Variants in GRID2 observed in about 807,000 individuals in gnomAD.
GRID2 encodes the protein glutamate ionotropic receptor delta type subunit 2.
Under a neutral mutation model 114.8 loss-of-function variants are expected in GRID2, and 33 were observed. That is an observed-to-expected ratio of 0.29 (90% confidence interval 0.22 to 0.38). GRID2 has a LOEUF of 0.38. Ranked by LOEUF, GRID2 falls within the 10% of genes least tolerant of loss-of-function variation. The pLI is 1.00. For missense variants in GRID2, 1,184 were observed against 1,257.7 expected (o/e 0.94, Z 0.89); for synonymous variants, 505 against 449.9 (o/e 1.12, Z -1.55).
intron 4 of GRID2, among the ~76,000 whole-genome samples, chr4:93,124,075 G>A (rs2149365761): frequency 6.8e-6 from 1 of 146,032 alleles, no homozygotes; most frequent in East Asian, 2.0e-4. Flanking sequence ...CCTGCACAAT[G>A]TGCACATGTA....
At chr4:92,908,710 T>G (rs891642454) in intron 2 of GRID2, among the ~76,000 whole-genome samples, 1 of 152,174 alleles carries the variant, frequency 6.6e-6, no homozygotes, top group Non-Finnish European at 1.5e-5. Context: ...AAGAGAATAG[T>G]TATATAAAAA....
chr4:92,468,575 G>C (rs1721869431), intron 1 of GRID2, among the ~76,000 whole-genome samples: 2 of 152,026 alleles, frequency 1.3e-5, no homozygotes, highest in Admixed American at 1.3e-4. Context: ...TACAGTTTTT[G>C]TTCTTGAGGA....
At chr4:93,204,889 A>G (rs991547969) in intron 4 of GRID2, among the ~76,000 whole-genome samples, 2 of 152,210 alleles carry the variant, frequency 1.3e-5, no homozygotes, top group Non-Finnish European at 1.5e-5. Flanking sequence ...TAAGCTAAAT[A>G]GAATCACTGT....
chr4:92,709,793 A>G (rs1735150298), intron 2 of GRID2, among the ~76,000 whole-genome samples: 1 of 151,798 alleles, frequency 6.6e-6, no homozygotes, highest in South Asian at 2.1e-4. Context: ...CTAACGTTAC[A>G]AAGGTCAAAT....
chr4:92,797,053 T>C (rs1739914260), intron 2 of GRID2, among the ~76,000 whole-genome samples: 1 of 151,982 alleles, frequency 6.6e-6, no homozygotes, highest in Non-Finnish European at 1.5e-5. Flanking sequence ...TTTATCTTGA[T>C]ATGGAAGACA....
chr4:93,644,559 A>T (rs1260861934), intron 14 of GRID2, among the ~76,000 whole-genome samples: 1 of 151,918 alleles, frequency 6.6e-6, no homozygotes, highest in Non-Finnish European at 1.5e-5. Flanking sequence ...TCCCTTTAGT[A>T]CTCCCTAAAA....
intron 14 of GRID2, among the ~76,000 whole-genome samples, chr4:93,723,953 C>T (rs998895895): frequency 5.9e-5 from 9 of 152,172 alleles, no homozygotes; most frequent in African/African-American, 7.2e-5. Context: ...TCCATTCTAA[C>T]GAACATACTA....
intron 2 of GRID2, among the ~76,000 whole-genome samples, chr4:92,711,538 G>C (rs905922619): frequency 6.6e-6 from 1 of 152,100 alleles, no homozygotes; most frequent in African/African-American, 2.4e-5. Flanking sequence ...TAGAGTAACT[G>C]TTTCCTCAAA....
intron 10 of GRID2, among the ~76,000 whole-genome samples, chr4:93,428,238 A>G (rs2149376070): frequency 6.6e-6 from 1 of 152,206 alleles, no homozygotes; most frequent in Non-Finnish European, 1.5e-5. Context: ...GAAACTAAAA[A>G]CTTCCTTTTT....
chr4:92,365,292 T>C (rs1461389455), intron 1 of GRID2, among the ~76,000 whole-genome samples: 1 of 152,078 alleles, frequency 6.6e-6, no homozygotes, highest in African/African-American at 2.4e-5. Context: ...TGAAATATCA[T>C]GTAGCTTTAG....
At chr4:92,568,480 A>C (rs991895038) in intron 1 of GRID2, among the ~76,000 whole-genome samples, 1 of 151,910 alleles carries the variant, frequency 6.6e-6, no homozygotes, top group Non-Finnish European at 1.5e-5. Flanking sequence ...GAAGTTTCTG[A>C]ATATTTGATT....
At chr4:93,698,236 A>G (rs980980482) in intron 14 of GRID2, among the ~76,000 whole-genome samples, 5 of 152,034 alleles carry the variant, frequency 3.3e-5, no homozygotes, top group Non-Finnish European at 5.9e-5. Context: ...CTGTTAAATC[A>G]GATACTTATA....
chr4:93,595,404 G>A (rs72889150), intron 13 of GRID2, among the ~76,000 whole-genome samples: 5,670 of 152,168 alleles, frequency 0.037, 355 homozygotes, highest in African/African-American at 0.13. Context: ...GCCAAACCCA[G>A]CCCTGTATTT....
rs1430808084 is a variant in GRID2, at chr4:92,938,115, C to A, written c.245-146880C>A. Among the ~76,000 whole-genome samples the A allele has an allele frequency of 2.1e-5, 3 of 146,220 alleles. 1 individual carries two copies. Among genetic ancestry groups the A allele is most frequent in the Non-Finnish European group, 4.5e-5 (3 of 66,102 alleles). ...AACTGAGAAGAATTTCTGTTTATTT[C>A]TCTTTGTTTTATCAATATGGTATAG... On this transcript the variant is annotated intron_variant, in intron 2 of 15. Coordinates refer to ENST00000282020, the MANE Select transcript of GRID2 (RefSeq NM_001510.4).
rs142992437 is a variant in GRID2, at chr4:92,656,656, A to G, written c.244+66370A>G. On this transcript the variant is annotated intron_variant, in intron 2 of 15. Coordinates refer to ENST00000282020, the MANE Select transcript of GRID2 (RefSeq NM_001510.4). Reference sequence around the variant, plus strand: ...TAATACCACATATGACTCTAAACCTACAATTGCTCTGTCACCCTCTATGGA... The same window carrying G: ...TAATACCACATATGACTCTAAACCTGCAATTGCTCTGTCACCCTCTATGGA... 2.6e-3 allele frequency among the ~76,000 whole-genome samples: 389 copies of G among 151,842 alleles called. 1 individual carries two copies. The highest frequency in any genetic ancestry group is 3.5e-3 in the Non-Finnish European group (240 of 67,766).
chr4:92,855,246 TTC>T (rs1184681679), intron 2 of GRID2, among the ~76,000 whole-genome samples: 1 of 152,034 alleles, frequency 6.6e-6, no homozygotes, highest in Non-Finnish European at 1.5e-5. Flanking sequence ...TCAATTAAGT[TTC>T]TACCTCTGTA....
At chr4:93,095,232 C>T (rs1731102953) in intron 3 of GRID2, among the ~76,000 whole-genome samples, 1 of 151,860 alleles carries the variant, frequency 6.6e-6, no homozygotes, top group Non-Finnish European at 1.5e-5. Context: ...CCCATCGACC[C>T]ATCATCTACA....
At chr4:93,581,587 T>A (rs1318101488) in intron 13 of GRID2, among the ~76,000 whole-genome samples, 1 of 152,178 alleles carries the variant, frequency 6.6e-6, no homozygotes, top group African/African-American at 2.4e-5. Flanking sequence ...AAGGACCAAA[T>A]GCCGAACCTA....
At chr4:92,699,387 G>A (rs1012082399) in intron 2 of GRID2, among the ~76,000 whole-genome samples, 1 of 152,170 alleles carries the variant, frequency 6.6e-6, no homozygotes, top group Non-Finnish European at 1.5e-5. Flanking sequence ...AGGCCTATTA[G>A]TCTTGCATCT....
Sources: gnomAD v4.1 joint callset for allele counts (sites outside exome capture counted in the v4.1 genomes callset) on GRCh38, gnomAD v4.1.1 for gene constraint, MANE v1.5 for transcripts, NCBI Gene and HGNC (gene_info 2026-07-23, HGNC 2026-07-21) for gene names.